Variants in TMEM232 observed in about 807,000 individuals in gnomAD.
TMEM232 encodes transmembrane protein 232.
A neutral mutation model predicts 78.8 loss-of-function variants in TMEM232; 80 were observed. The observed-to-expected ratio is 1.01, with a 90% confidence interval of 0.85 to 1.22. TMEM232 has a LOEUF of 1.22. TMEM232 is among the 50% of genes most tolerant of loss of function. The probability of loss-of-function intolerance (pLI) is 0.00; values close to 1 mark genes in which losing one functional copy is unlikely to be tolerated. For synonymous variants in TMEM232, 297 were observed against 254.3 expected (o/e 1.17, Z -1.60); for missense variants, 881 against 742.2 (o/e 1.19, Z -2.17).
At chr5:110,440,310 AT>A (rs763562106) in intron 12 of TMEM232, among the ~76,000 whole-genome samples, 1 of 152,106 alleles carries the variant, frequency 6.6e-6, no homozygotes, top group Non-Finnish European at 1.5e-5. Context: ...CTGTGTTGCC[AT>A]TCTGCTGGAA....
At chr5:110,478,362 T>A (rs1306512979) in intron 12 of TMEM232, among the ~76,000 whole-genome samples, 1 of 151,972 alleles carries the variant, frequency 6.6e-6, no homozygotes, top group Non-Finnish European at 1.5e-5. Flanking sequence ...GAAATCACTG[T>A]CCTCAGCAGT....
At chr5:110,682,256 A>T (rs1393045562) in intron 1 of TMEM232, among the ~76,000 whole-genome samples, 1 of 152,198 alleles carries the variant, frequency 6.6e-6, no homozygotes, top group Non-Finnish European at 1.5e-5. Context: ...GTCCCAAAAC[A>T]CAGGGTACTC....
In TMEM232 at chr5:110,481,976, C is replaced by A. The variant is rs565742670; in HGVS notation, c.1703+46612G>T. On this transcript the variant is annotated intron_variant, in intron 12 of 13. Coordinates refer to ENST00000455884, the MANE Select transcript of TMEM232 (RefSeq NM_001039763.4). ...ATTCTTATCCCAAAATAATAAGAAC[C>A]AAGATTTATTACAGAAACTAAATAT... Among the ~76,000 whole-genome samples, 15 of 152,188 alleles carry A rather than the reference C, an allele frequency of 9.9e-5. No individual in the cohort carries two copies. The South Asian group carries it at 1.7e-3, about 17-fold the overall frequency.
intron 2 of TMEM232, among the ~76,000 whole-genome samples, chr5:110,642,952 G>T (rs569588527): frequency 6.6e-6 from 1 of 152,180 alleles, no homozygotes; most frequent in Non-Finnish European, 1.5e-5. Context: ...ATGCTATACT[G>T]AGAATTAGCG....
downstream of TMEM232, among the ~76,000 whole-genome samples, chr5:110,417,147 T>G (rs1044931167): frequency 6.6e-6 from 1 of 152,182 alleles, no homozygotes; most frequent in Non-Finnish European, 1.5e-5. Context: ...AGTTTATTCT[T>G]TCAAAATAAA....
At chr5:110,699,356 A>G (rs926163260) in intron 1 of TMEM232, among the ~76,000 whole-genome samples, 1 of 152,106 alleles carries the variant, frequency 6.6e-6, no homozygotes, top group Non-Finnish European at 1.5e-5. Flanking sequence ...AAGTATAAGG[A>G]AAACACCTCC....
intron 1 of TMEM232, among the ~76,000 whole-genome samples, chr5:110,691,141 T>C (rs1321596823): frequency 4.6e-5 from 1 of 21,912 alleles, no homozygotes; most frequent in Admixed American, 6.4e-4. Context: ...ACTTAAAGTA[T>C]AAGGAAAAAA....
chr5:110,514,834 C>G (rs1234994134), intron 12 of TMEM232, among the ~76,000 whole-genome samples: 1 of 152,066 alleles, frequency 6.6e-6, no homozygotes, highest in Non-Finnish European at 1.5e-5. Flanking sequence ...ACTAGACTTA[C>G]TAGAAAGTGA....
intron 10 of TMEM232, among the ~76,000 whole-genome samples, chr5:110,583,476 C>G (rs77393983): frequency 0.012 from 1,796 of 151,812 alleles, 33 homozygotes; most frequent in African/African-American, 0.041. Context: ...ATGCTATACA[C>G]AAAAATCAAC....
Position 110,420,696 on chromosome 5 carries a change from T to TGC in TMEM232, c.1857_1858insGC (p.Lys620AlafsTer6). ...TTTTTCTCTGCTAACTTTTTATCTTTAAGTTCTTGGGCCTTGCATATTGCA... is the reference window on the plus strand; with the variant it reads ...TTTTTCTCTGCTAACTTTTTATCTTTGCAAGTTCTTGGGCCTTGCATATTGCA... On this transcript the variant is annotated frameshift_variant, in exon 14 of 14. Transcript: ENST00000455884. LOFTEE classifies it high-confidence loss of function. 1 of 1,527,766 alleles carries TGC rather than the reference T, an allele frequency of 6.5e-7. No individual in the cohort carries two copies. Among genetic ancestry groups the TGC allele is most frequent in the Non-Finnish European group, 8.7e-7 (1 of 1,144,334 alleles). 94.6% of individuals were successfully genotyped at this position (1,527,766 alleles called of 1,614,324 possible). A position where few individuals can be genotyped will look rare whatever the true frequency, so the allele number is the denominator to read the frequency against.
chr5:110,665,322 T>C (rs1319242051), intron 2 of TMEM232, among the ~76,000 whole-genome samples: 1 of 152,174 alleles, frequency 6.6e-6, no homozygotes, highest in East Asian at 1.9e-4. Flanking sequence ...TGAAGCGGGC[T>C]GTATAGGTAG....
At chr5:110,623,505 C>T (rs917801610) in intron 7 of TMEM232, among the ~76,000 whole-genome samples, 4 of 152,132 alleles carry the variant, frequency 2.6e-5, no homozygotes, top group African/African-American at 9.7e-5. Flanking sequence ...GCAAATGTAT[C>T]TATTTCCATT....
intron 2 of TMEM232, among the ~76,000 whole-genome samples, chr5:110,645,580 A>C (rs1458752740): frequency 2.0e-5 from 3 of 151,622 alleles, no homozygotes; most frequent in African/African-American, 7.2e-5. Context: ...ACTTTACAGA[A>C]TAAAGACCAT....
intron 11 of TMEM232, among the ~76,000 whole-genome samples, chr5:110,542,672 A>T (rs72771405): frequency 0.075 from 11,411 of 152,100 alleles, 545 homozygotes; most frequent in South Asian, 0.2. Context: ...GAGGCAAGAG[A>T]ATAAGGTCTG....
chr5:110,532,304 C>T (rs1363089637), intron 11 of TMEM232, among the ~76,000 whole-genome samples: 4 of 151,792 alleles, frequency 2.6e-5, no homozygotes, highest in South Asian at 2.1e-4. Context: ...CTCGGCTTAG[C>T]GGCTGAAGAC....
intron 10 of TMEM232, among the ~76,000 whole-genome samples, chr5:110,588,778 C>T (rs772359526): frequency 8.5e-5 from 13 of 152,204 alleles, no homozygotes; most frequent in Non-Finnish European, 1.9e-4. Context: ...TTTAAGCAGA[C>T]TTTGTTCACT....
intron 12 of TMEM232, among the ~76,000 whole-genome samples, chr5:110,465,554 C>T (rs183228749): frequency 6.6e-6 from 1 of 152,150 alleles, no homozygotes; most frequent in Admixed American, 6.5e-5. Context: ...TTTTCATTGC[C>T]TATTTAGACT....
At chr5:110,601,785 T>C (rs1218470720) in intron 10 of TMEM232, among the ~76,000 whole-genome samples, 2 of 151,968 alleles carry the variant, frequency 1.3e-5, no homozygotes, top group Non-Finnish European at 1.5e-5. Flanking sequence ...CACAGAACTA[T>C]AAAAAACTAC....
chr5:110,531,650 A>T (rs1290248190), intron 11 of TMEM232, among the ~76,000 whole-genome samples: 1 of 152,084 alleles, frequency 6.6e-6, no homozygotes, highest in African/African-American at 2.4e-5. Flanking sequence ...GCCCTCCCCC[A>T]CCTGCCCAGC....
Sources: gnomAD v4.1 joint callset for allele counts (sites outside exome capture counted in the v4.1 genomes callset) on GRCh38, gnomAD v4.1.1 for gene constraint, MANE v1.5 for transcripts, NCBI Gene and HGNC (gene_info 2026-07-23, HGNC 2026-07-21) for gene names.